Variants in TBC1D2 observed in about 807,000 individuals in gnomAD.
The protein encoded by TBC1D2 is TBC1 domain family member 2A.
TBC1D2 carries 58 observed loss-of-function variants against 91.1 expected under a neutral mutation model. That is an observed-to-expected ratio of 0.64 (90% CI 0.52 to 0.79). The LOEUF (loss-of-function observed/expected upper bound fraction) is 0.79, where lower values mean the gene tolerates loss of function less well. Among genes scored for constraint, TBC1D2 ranks in the 30% least tolerant of loss-of-function variants. The pLI is 0.00. For missense variants in TBC1D2, 1,080 were observed against 1,208.3 expected (o/e 0.89, Z 1.57); for synonymous variants, 482 against 511.5 (o/e 0.94, Z 0.78).
chr9:98,235,267 T>C (rs1829476475), intron 3 of TBC1D2: 2 of 335,168 alleles, frequency 6.0e-6, no homozygotes, highest in Middle Eastern at 4.1e-4. Flanking sequence ...AGGAACTATA[T>C]TGCTTAGGAG....
chr9:98,210,123 G>A (rs1403690731), intron 8 of TBC1D2, among the ~76,000 whole-genome samples: 5 of 151,934 alleles, frequency 3.3e-5, no homozygotes, highest in Non-Finnish European at 5.9e-5. Flanking sequence ...ACTGTGCCCA[G>A]CTCTTTGCAC....
At chr9:98,251,532 T>C (rs191359412) in intron 2 of TBC1D2, among the ~76,000 whole-genome samples, 1 of 152,332 alleles carries the variant, frequency 6.6e-6, no homozygotes, top group African/African-American at 2.4e-5. Flanking sequence ...AGGGATAATT[T>C]ATAAACCTCA....
chr9:98,208,340 A>G, intron 9 of TBC1D2, among the ~76,000 whole-genome samples: 1 of 151,938 alleles, frequency 6.6e-6, no homozygotes, highest in Non-Finnish European at 1.5e-5. Flanking sequence ...ATGAAAGACA[A>G]TTTTTCCATG....
In TBC1D2 at chr9:98,221,043, G is replaced by T. The variant is rs1829086654; in HGVS notation, c.1164C>A (p.His388Gln). Residue 388 changes from histidine (H) to glutamine (Q), a missense_variant, in exon 6 of 13, where the codon CAC becomes CAA. Physicochemically the swap from His to Gln is conservative, Grantham distance 24. Coordinates refer to ENST00000465784, the MANE Select transcript of TBC1D2 (RefSeq NM_001267571.2). Reference protein sequence around the residue: ...ALEQERESLAHTASLREQQVQ... With the variant: ...ALEQERESLAQTASLREQQVQ... ...CCTGCTGCTCCCGCAGGCTCGCTGTGTGCGCCAGGCTCTCCCGCTCCTGCT... is the reference window on the plus strand; with the variant it reads ...CCTGCTGCTCCCGCAGGCTCGCTGTTTGCGCCAGGCTCTCCCGCTCCTGCT... 3.7e-6 allele frequency: 6 copies of T among 1,613,354 alleles called. No homozygotes were observed. The highest frequency in any genetic ancestry group is 5.1e-6 in the Non-Finnish European group (6 of 1,179,928).
intron 6 of TBC1D2, 66 bp downstream of exon 6, chr9:98,220,767 G>A (rs1472422923): frequency 9.5e-6 from 15 of 1,577,496 alleles, no homozygotes; most frequent in South Asian, 9.3e-5. Context: ...GGTGGAGAGC[G>A]CACCTTCCCT....
Position 98,206,533 on chromosome 9 carries a change from C to T in TBC1D2, c.2150+2135G>A, listed in dbSNP as rs1007107858. ...AGGATTTTTCTCTGCCCCTTCAGCA[C>T]AGGTTGAACTCCAAAAGCAGGTCTC... On this transcript the variant is annotated intron_variant, in intron 9 of 12. Coordinates refer to ENST00000465784, the MANE Select transcript of TBC1D2 (RefSeq NM_001267571.2). 1.1e-4 allele frequency among the ~76,000 whole-genome samples: 17 copies of T among 152,224 alleles called. 1 individual carries two copies. Among genetic ancestry groups the T allele is most frequent in the Admixed American group, 6.5e-4 (10 of 15,296 alleles).
intron 6 of TBC1D2, among the ~76,000 whole-genome samples, chr9:98,218,017 A>AT (rs200670850): frequency 5.3e-5 from 8 of 151,988 alleles, no homozygotes; most frequent in South Asian, 2.1e-4. Flanking sequence ...TGCCTGGCTA[A>AT]TTTTTTAATT....
rs187809735 is a variant in TBC1D2 at position 98,224,183 on chromosome 9, C to T, written c.979-2955G>A. On this transcript the variant is annotated intron_variant, in intron 5 of 12. Transcript: ENST00000465784. ...CTGCACTCTAGCCTGGGCGACAGAG[C>T]GAGACTCCATCTCAAAAAAAAAAAA... Among the ~76,000 whole-genome samples, 146 of 136,752 alleles carry T rather than the reference C, an allele frequency of 1.1e-3. 3 individuals carry two copies. In the East Asian group the frequency reaches 0.028, roughly 27 times the overall value. The allele number at this position is 136,752 out of a possible 152,430, so 89.7% of individuals were successfully genotyped here.
At position 98,228,968 on chromosome 9, in the gene TBC1D2, TC is replaced by T. The variant is rs1564249315; in HGVS notation, c.961del (p.Glu321SerfsTer2). On this transcript the variant is annotated frameshift_variant, in exon 5 of 13. Coordinates refer to ENST00000465784, the MANE Select transcript of TBC1D2 (RefSeq NM_001267571.2). LOFTEE classifies it high-confidence loss of function. The surrounding 1 kb of genome is among the most constrained non-coding windows in gnomAD (Gnocchi z 4.0). Reference protein sequence around the residue: ...LEQQVLMLTKELKSQKELVKI... With the variant: ...LEQQVLMLTKXLKSQKELVKI... ...AGACCTCACCTTCTGAGACTTTAAC[TC>T]CTTGGTGAGCATCAGAACCTGTTGC... The T allele has an allele frequency of 1.2e-6, 2 of 1,614,162 alleles. No homozygotes were observed. Among genetic ancestry groups the T allele is most frequent in the East Asian group, 2.2e-5 (1 of 44,880 alleles).
intron 2 of TBC1D2, among the ~76,000 whole-genome samples, 173 bp downstream of exon 2, chr9:98,251,612 G>A (rs1563992281): frequency 6.6e-6 from 1 of 152,230 alleles, no homozygotes; most frequent in Non-Finnish European, 1.5e-5. Flanking sequence ...ACTAGGATTT[G>A]AACCCAGGCA....
chr9:98,207,010 G>C (rs1430773266), intron 9 of TBC1D2, among the ~76,000 whole-genome samples: 1 of 152,206 alleles, frequency 6.6e-6, no homozygotes, highest in Non-Finnish European at 1.5e-5. Context: ...AAGTACAGGG[G>C]CTTTTGTCAG....
At chr9:98,254,566 C>A (rs1829934281) in intron 1 of TBC1D2, among the ~76,000 whole-genome samples, 1 of 152,178 alleles carries the variant, frequency 6.6e-6, no homozygotes, top group South Asian at 2.1e-4. Flanking sequence ...CTGCTTTAGG[C>A]TTTCTCAGTT....
chr9:98,250,366 G>A (rs1207135820), intron 2 of TBC1D2, among the ~76,000 whole-genome samples: 1 of 151,946 alleles, frequency 6.6e-6, no homozygotes, highest in African/African-American at 2.4e-5. Flanking sequence ...CACTCAGGCT[G>A]CAGAGAAGGG....
intron 2 of TBC1D2, among the ~76,000 whole-genome samples, chr9:98,250,779 C>T (rs929542444): frequency 6.6e-6 from 1 of 152,120 alleles, no homozygotes; most frequent in African/African-American, 2.4e-5. Context: ...GTACTGGGAC[C>T]TGATTTTCCA....
At chr9:98,209,777 TTC>T (rs1828776536) in intron 8 of TBC1D2, among the ~76,000 whole-genome samples, 1 of 147,262 alleles carries the variant, frequency 6.8e-6, no homozygotes, top group African/African-American at 2.6e-5. Flanking sequence ...CCTTCCTTCC[TTC>T]CTTCCTTCCT....
chr9:98,200,790 T>G (rs1349246569), intron 11 of TBC1D2, among the ~76,000 whole-genome samples: 2 of 151,994 alleles, frequency 1.3e-5, no homozygotes, highest in African/African-American at 4.8e-5. Context: ...CTGACACGGG[T>G]GGATCATCTG....
At chr9:98,245,200 A>G (rs1438260845) in intron 2 of TBC1D2, among the ~76,000 whole-genome samples, 3 of 152,132 alleles carry the variant, frequency 2.0e-5, no homozygotes, top group African/African-American at 7.2e-5. Context: ...AGATCGTGCC[A>G]CTGCACTTCA....
At chr9:98,231,461 A>G (rs1309004586) in intron 4 of TBC1D2, among the ~76,000 whole-genome samples, 1 of 152,108 alleles carries the variant, frequency 6.6e-6, no homozygotes, top group Non-Finnish European at 1.5e-5. Flanking sequence ...ACACAGTGTA[A>G]ACACCGTTTA....
intron 2 of TBC1D2, among the ~76,000 whole-genome samples, chr9:98,244,589 G>A (rs552340903): frequency 1.3e-5 from 2 of 150,752 alleles, no homozygotes; most frequent in Admixed American, 1.3e-4. Context: ...AACCTGGGTG[G>A]CGGAGGTTGC....
Sources: gnomAD v4.1 joint callset for allele counts (sites outside exome capture counted in the v4.1 genomes callset) on GRCh38, gnomAD v4.1.1 for gene constraint, Gnocchi (gnomAD v3.1) non-coding constraint, MANE v1.5 for transcripts, NCBI Gene and HGNC (gene_info 2026-07-23, HGNC 2026-07-21) for gene names.